C12orf60: variants seen among roughly 807,000 people sequenced by gnomAD.
C12orf60 encodes uncharacterized protein C12orf60.
For missense variants in C12orf60, 284 were observed against 283.2 expected, an observed-to-expected ratio of 1.00 and a Z score of -0.02; for synonymous variants, 102 against 94.6, an observed-to-expected ratio of 1.08 and a Z score of -0.45.
intron 1 of C12orf60, among the ~76,000 whole-genome samples, chr12:14,809,506 TTAA>T (rs1248052119): frequency 3.3e-5 from 5 of 152,128 alleles, no homozygotes; most frequent in Non-Finnish European, 7.4e-5. Context: ...TTCTATCTGT[TTAA>T]TAATAATAAA....
chr12:14,817,211 T>C (rs1950235228), intron 1 of C12orf60, among the ~76,000 whole-genome samples: 1 of 152,188 alleles, frequency 6.6e-6, no homozygotes, highest in Admixed American at 6.5e-5. Context: ...ATGTCCCATT[T>C]TGAGTTAATT....
At chr12:14,820,654 T>A (rs913934667) in intron 1 of C12orf60, among the ~76,000 whole-genome samples, 1 of 152,112 alleles carries the variant, frequency 6.6e-6, no homozygotes, top group Non-Finnish European at 1.5e-5. Context: ...TCTTCTTTGT[T>A]GACTTCTATT....
chr12:14,813,816 C>G (rs1950177668), intron 1 of C12orf60, among the ~76,000 whole-genome samples: 1 of 152,154 alleles, frequency 6.6e-6, no homozygotes, highest in Admixed American at 6.5e-5. Context: ...TTCACACATT[C>G]ACACAGGTAT....
intron 1 of C12orf60, among the ~76,000 whole-genome samples, chr12:14,812,706 A>G (rs1437902551): frequency 6.6e-6 from 1 of 151,940 alleles, no homozygotes; most frequent in Non-Finnish European, 1.5e-5. Context: ...TTACTGTGCT[A>G]CCCCAAATAA....
At chr12:14,806,363 TTCCTTTTCCTTAATA>T in intron 1 of C12orf60, 1 of 1,614,228 alleles carries the variant, frequency 6.2e-7, no homozygotes. Context: ...TTTTGTCTGT[TTCCTTTTCCTTAATA>T]TCCTGAAGTT....
intron 1 of C12orf60, among the ~76,000 whole-genome samples, chr12:14,822,439 A>G (rs76108990): frequency 0.016 from 2,494 of 152,226 alleles, 67 homozygotes; most frequent in African/African-American, 0.056. Context: ...GCCTTCTGTC[A>G]TCCACCTTTC....
chr12:14,810,002 G>A (rs761583531), intron 1 of C12orf60, among the ~76,000 whole-genome samples: 51 of 152,288 alleles, frequency 3.3e-4, no homozygotes, highest in Non-Finnish European at 4.9e-4. Context: ...TCTTGCACTT[G>A]CGCTTAGACT....
intron 1 of C12orf60, among the ~76,000 whole-genome samples, chr12:14,816,769 G>C (rs1418369727): frequency 1.4e-5 from 2 of 140,334 alleles, no homozygotes; most frequent in Admixed American, 1.5e-4. Flanking sequence ...TTTTGAGACA[G>C]AGTCTCACTC....
At chr12:14,822,862 T>G in intron 1 of C12orf60, 50 bp from the exon 2 acceptor site, 1 of 1,455,764 alleles carries the variant, frequency 6.9e-7, no homozygotes, top group Non-Finnish European at 9.2e-7. Context: ...TTCTTTATGG[T>G]TGCCAAATCG....
Position 14,822,947 on chromosome 12 carries a change from G to A in C12orf60, c.12G>A (p.Glu4=), listed in dbSNP as rs775285312. 1 of 1,575,068 alleles carries A rather than the reference G, an allele frequency of 6.3e-7. No homozygotes were observed. Among genetic ancestry groups the A allele is most frequent in the Admixed American group, 1.8e-5 (1 of 54,738 alleles). ...TATTTGTTGGAGAAATGTCTTCAGA[G>A]TCAGAAAAGGATAAAGAGAGACTGA... MSS[E]SEKDKERLIQ... Residue 4 remains glutamate, a synonymous_variant, in exon 2 of 2, where the codon GAG becomes GAA. Transcript: ENST00000330828.
chr12:14,815,298 G>T (rs1434624168), intron 1 of C12orf60, among the ~76,000 whole-genome samples: 1 of 152,198 alleles, frequency 6.6e-6, no homozygotes, highest in Non-Finnish European at 1.5e-5. Flanking sequence ...ACGTACGGAT[G>T]TGTGGCCAGT....
chr12:14,811,981 C>A (rs1950146969), intron 1 of C12orf60, among the ~76,000 whole-genome samples: 1 of 152,130 alleles, frequency 6.6e-6, no homozygotes, highest in South Asian at 2.1e-4. Flanking sequence ...AACATATACA[C>A]TTTTTTAAAT....
Position 14,823,544 on chromosome 12 carries a change from C to T in C12orf60, c.609C>T (p.Pro203=), listed in dbSNP as rs376648825. The part of the protein sequence containing the change: ...DVLKTEDSKN[P]TKSAADLLEQ... ...TAAAAACTGAGGATTCCAAAAATCC[C>T]ACAAAGTCAGCAGCAGATTTGTTGG... Residue 203 remains proline (P), a synonymous_variant, in exon 2 of 2, where the codon CCC becomes CCT. Coordinates refer to ENST00000330828, the MANE Select transcript of C12orf60 (RefSeq NM_175874.4). The T allele has an allele frequency of 6.2e-7, 1 of 1,613,782 alleles. No homozygotes were observed. The highest frequency in any genetic ancestry group is 8.5e-7 in the Non-Finnish European group (1 of 1,179,916).
At chr12:14,817,730 T>C (rs1335688726) in intron 1 of C12orf60, among the ~76,000 whole-genome samples, 1 of 152,238 alleles carries the variant, frequency 6.6e-6, no homozygotes, top group Non-Finnish European at 1.5e-5. Flanking sequence ...CAGTCTATCA[T>C]TGATGGGCAT....
intron 1 of C12orf60, among the ~76,000 whole-genome samples, chr12:14,808,511 G>A (rs752021146): frequency 4.6e-5 from 7 of 152,060 alleles, no homozygotes; most frequent in Non-Finnish European, 1.0e-4. Flanking sequence ...CTAGCACTAC[G>A]GTTCTTATTC....
chr12:14,819,428 A>G (rs1950272793), intron 1 of C12orf60, among the ~76,000 whole-genome samples: 1 of 152,164 alleles, frequency 6.6e-6, no homozygotes, highest in Non-Finnish European at 1.5e-5. Context: ...TTTTGTGTAG[A>G]TTCCTTGGGA....
chr12:14,818,762 A>G (rs1256703109), intron 1 of C12orf60, among the ~76,000 whole-genome samples: 1 of 152,162 alleles, frequency 6.6e-6, no homozygotes, highest in African/African-American at 2.4e-5. Context: ...CAGCCTGGTG[A>G]CAGAGCAAGA....
chr12:14,803,923 A>G (rs1317947352), intron 1 of C12orf60, among the ~76,000 whole-genome samples, 172 bp downstream of exon 1: 1 of 152,170 alleles, frequency 6.6e-6, no homozygotes, highest in Non-Finnish European at 1.5e-5. Context: ...AACATTTGCC[A>G]CTGAGTTTAA....
chr12:14,810,610 A>G lies in C12orf60; in HGVS notation c.-25+6859A>G, dbSNP rs1950121789. On this transcript the variant is annotated intron_variant, in intron 1 of 1. Transcript: ENST00000330828. ...GTACAAAATTAAAGGTACACTTGGTATTTGACTTGTGCAAATTTGTTTTAA... is the reference window on the plus strand; with the variant it reads ...GTACAAAATTAAAGGTACACTTGGTGTTTGACTTGTGCAAATTTGTTTTAA... Among the ~76,000 whole-genome samples, 3 of 152,200 alleles carry G rather than the reference A, an allele frequency of 2.0e-5. No individual in the cohort carries two copies. The South Asian group carries it at 6.2e-4, about 31-fold the overall frequency.
Sources: allele counts gnomAD v4.1 joint callset (sites outside exome capture counted in the v4.1 genomes callset), GRCh38; gene constraint gnomAD v4.1.1; transcripts MANE v1.5; gene names NCBI Gene and HGNC (gene_info 2026-07-23, HGNC 2026-07-21).